The following LRRC37A2 variants were observed in gnomAD, a reference collection of about 807,000 sequenced individuals.
The protein encoded by LRRC37A2 is leucine rich repeat containing 37 member A2, also known as leucine-rich repeat-containing protein 37A2.
In LRRC37A2, 9 loss-of-function variants were observed where a neutral mutation model predicts 68.8. The ratio of observed to expected loss-of-function variants is 0.13; its 90% CI spans 0.08 to 0.23. The LOEUF (loss-of-function observed/expected upper bound fraction) is 0.23, where lower values mean the gene tolerates loss of function less well. LRRC37A2 is among the 10% of genes least tolerant of loss of function. The pLI, the probability that LRRC37A2 is intolerant of heterozygous loss-of-function variation, is 1.00. For synonymous variants in LRRC37A2, 63 were observed against 367.6 expected, an observed-to-expected ratio of 0.17 and a Z score of 9.48; for missense variants, 168 against 950.4, an observed-to-expected ratio of 0.18 and a Z score of 10.82.
chr17:46,715,228 C>T, the LRRC37A2 span, among the ~76,000 whole-genome samples: 1 of 152,300 alleles, frequency 6.6e-6, no homozygotes, highest in African/African-American at 2.4e-5. Flanking sequence ...CTTATAATAT[C>T]ATAGTTTATT....
chr17:46,762,944 A>G, the LRRC37A2 span: 3 of 152,368 alleles, frequency 2.0e-5, no homozygotes, highest in Admixed American at 1.3e-4. Flanking sequence ...TAAAGCAAGT[A>G]TTATCCAGTT....
At chr17:46,928,772 T>C in the LRRC37A2 span, among the ~76,000 whole-genome samples, 1 of 152,198 alleles carries the variant, frequency 6.6e-6, no homozygotes, top group East Asian at 1.9e-4. Context: ...CAGCCCACCC[T>C]ACTTGTAATC....
the LRRC37A2 span, among the ~76,000 whole-genome samples, chr17:46,737,264 A>AG: frequency 6.6e-6 from 1 of 152,220 alleles, no homozygotes; most frequent in Non-Finnish European, 1.5e-5. Flanking sequence ...CTGCCCACCA[A>AG]GGAGTCCACC....
At chr17:46,760,108 ATTTTAT>A in the LRRC37A2 span, among the ~76,000 whole-genome samples, 1 of 152,110 alleles carries the variant, frequency 6.6e-6, no homozygotes, top group Non-Finnish European at 1.5e-5. Flanking sequence ...TCTACAAAAG[ATTTTAT>A]TTTTAATTAC....
chr17:46,771,685 G>C, the LRRC37A2 span, among the ~76,000 whole-genome samples: 5 of 143,490 alleles, frequency 3.5e-5, no homozygotes, highest in African/African-American at 1.2e-4. Flanking sequence ...AGCAACGGGC[G>C]GCTCCCGCGG....
the LRRC37A2 span, among the ~76,000 whole-genome samples, chr17:46,968,132 T>G: frequency 6.6e-6 from 1 of 151,958 alleles, no homozygotes; most frequent in African/African-American, 2.4e-5. Context: ...TGCTGTTCCT[T>G]CTCTTCAGCT....
At chr17:47,001,019 C>T in the LRRC37A2 span, among the ~76,000 whole-genome samples, 1 of 152,082 alleles carries the variant, frequency 6.6e-6, no homozygotes, top group African/African-American at 2.4e-5. Context: ...ACCTGTCATC[C>T]CAGTTACTTG....
intron 8 of LRRC37A2, among the ~76,000 whole-genome samples, chr17:46,544,904 T>C (rs1339202247): frequency 1.4e-5 from 2 of 138,842 alleles, no homozygotes; most frequent in Admixed American, 1.4e-4. Flanking sequence ...ATCTAAAACA[T>C]GCCTCTACTT....
chr17:46,831,018 T>A, the LRRC37A2 span: 1 of 356,946 alleles, frequency 2.8e-6, no homozygotes, highest in Non-Finnish European at 5.0e-6. Context: ...TCTAAAATCT[T>A]CTTTTCAGTT....
At chr17:46,771,872 T>C in the LRRC37A2 span, among the ~76,000 whole-genome samples, 2 of 140,222 alleles carry the variant, frequency 1.4e-5, no homozygotes, top group African/African-American at 5.2e-5. Flanking sequence ...CCCAGGCCCC[T>C]CCGGCGCCCG....
chr17:46,961,298 G>C, the LRRC37A2 span, among the ~76,000 whole-genome samples: 4 of 152,178 alleles, frequency 2.6e-5, no homozygotes, highest in Admixed American at 6.5e-5. Flanking sequence ...AGCACTTTGG[G>C]AGGCTGAGGC....
the LRRC37A2 span, among the ~76,000 whole-genome samples, chr17:46,908,385 C>T: frequency 6.6e-6 from 1 of 152,152 alleles, no homozygotes. Context: ...AAATGATCGC[C>T]ATTAATGCAG....
At chr17:46,920,554 G>C in the LRRC37A2 span, among the ~76,000 whole-genome samples, 1 of 152,212 alleles carries the variant, frequency 6.6e-6, no homozygotes, top group Non-Finnish European at 1.5e-5. Flanking sequence ...AATGTCTCCT[G>C]CCTTGGGAGG....
the LRRC37A2 span, chr17:46,409,264 T>C: frequency 2.2e-6 from 1 of 460,314 alleles, no homozygotes; most frequent in South Asian, 3.9e-5. Flanking sequence ...AAGTATTATA[T>C]AAGGAATTTA....
At chr17:46,893,656 A>G in the LRRC37A2 span, among the ~76,000 whole-genome samples, 3 of 152,042 alleles carry the variant, frequency 2.0e-5, no homozygotes, top group Non-Finnish European at 2.9e-5. Context: ...TCTCCTCACT[A>G]TGGGGAGATG....
chr17:46,793,271 C>T, the LRRC37A2 span, among the ~76,000 whole-genome samples: 1 of 16,756 alleles, frequency 6.0e-5, no homozygotes, highest in Non-Finnish European at 1.5e-4. Flanking sequence ...GAGACCCTGT[C>T]TAAAAAAAAA....
chr17:46,818,663 T>C, the LRRC37A2 span: 9 of 1,433,642 alleles, frequency 6.3e-6, no homozygotes, highest in East Asian at 2.2e-4. Context: ...CCCCCAATAG[T>C]TGGAACAAAG....
chr17:46,940,941 CAG>C, the LRRC37A2 span: 3 of 1,268,900 alleles, frequency 2.4e-6, no homozygotes, highest in South Asian at 3.1e-5. Context: ...CTTGGCCTAA[CAG>C]TGTGACTCTC....
At chr17:46,753,414 T>G in the LRRC37A2 span, among the ~76,000 whole-genome samples, 1 of 152,268 alleles carries the variant, frequency 6.6e-6, no homozygotes, top group Non-Finnish European at 1.5e-5. Flanking sequence ...TTTAATCTAC[T>G]GAGCTTTCAG....
Sources: gnomAD v4.1 joint callset for allele counts (sites outside exome capture counted in the v4.1 genomes callset) on GRCh38, gnomAD v4.1.1 for gene constraint, MANE v1.5 for transcripts, NCBI Gene and HGNC (gene_info 2026-07-23, HGNC 2026-07-21) for gene names.